Variants in SERPINB10 observed in about 807,000 individuals in gnomAD.
SERPINB10 encodes the protein serpin B10.
Under a neutral mutation model 39.1 loss-of-function variants are expected in SERPINB10, and 35 were observed. The observed-to-expected ratio is 0.90, with a 90% CI of 0.68 to 1.19. The LOEUF (loss-of-function observed/expected upper bound fraction) is 1.19. SERPINB10 is among the 50% of genes most tolerant of loss of function. The probability of loss-of-function intolerance (pLI) is 0.00; values close to 1 mark genes in which losing one functional copy is unlikely to be tolerated. For missense variants in SERPINB10, 546 were observed against 460.5 expected (o/e 1.19, Z -1.70); for synonymous variants, 190 against 158.1 (o/e 1.20, Z -1.52).
chr18:63,934,462 G>A (rs1568251778), intron 7 of SERPINB10, among the ~76,000 whole-genome samples: 1 of 152,020 alleles, frequency 6.6e-6, no homozygotes, highest in Non-Finnish European at 1.5e-5. Context: ...CTCCCATGTC[G>A]ATAAACAAGA....
chr18:63,923,399 G>T (rs1003185093), intron 5 of SERPINB10, among the ~76,000 whole-genome samples: 1 of 151,854 alleles, frequency 6.6e-6, no homozygotes, highest in Admixed American at 6.6e-5. Flanking sequence ...GCATGACTAG[G>T]TTCTACCTGA....
chr18:63,925,503 T>G (rs2050175053), intron 5 of SERPINB10, among the ~76,000 whole-genome samples: 1 of 151,994 alleles, frequency 6.6e-6, no homozygotes, highest in South Asian at 2.1e-4. Flanking sequence ...TGGGAATATG[T>G]CAGAAGGACA....
rs564291050 is a variant in SERPINB10, at chr18:63,935,585, GA to G, written c.*351del. 146 of 181,914 alleles carry G rather than the reference GA, an allele frequency of 8.0e-4. No homozygotes were observed. The highest frequency in any genetic ancestry group is 3.5e-3 in the East Asian group (25 of 7,072). The allele number at this position is 181,914 out of a possible 1,614,324, so 11.3% of individuals were successfully genotyped here. ...ATATATTTCATATACATCATTAAATGAAAAAAAATCTTTATAAAGGTGATAT... is the reference window on the plus strand; with the variant it reads ...ATATATTTCATATACATCATTAAATGAAAAAAATCTTTATAAAGGTGATAT... On this transcript the variant is annotated 3_prime_UTR_variant, in exon 8 of 8. Transcript: ENST00000238508.
At chr18:63,926,445 T>C (rs2050182287) in intron 5 of SERPINB10, among the ~76,000 whole-genome samples, 1 of 152,024 alleles carries the variant, frequency 6.6e-6, no homozygotes, top group Non-Finnish European at 1.5e-5. Flanking sequence ...TATTTCTAAA[T>C]AAGGTCACAT....
rs574316010 is a variant in SERPINB10 at position 63,934,750 on chromosome 18, A to G, written c.790-88A>G. On this transcript the variant is annotated intron_variant, in intron 7 of 7. Transcript: ENST00000238508. ...TAACGGGAGTGATCATAATTCACCTATGTAATTCCTAGGGTGCTCTCTCTA... is the reference window on the plus strand; with the variant it reads ...TAACGGGAGTGATCATAATTCACCTGTGTAATTCCTAGGGTGCTCTCTCTA... 5.8e-5 allele frequency: 77 copies of G among 1,333,272 alleles called. No individual in the cohort carries two copies. In the African/African-American group the frequency reaches 7.3e-4, roughly 13 times the overall value. 82.6% of individuals were successfully genotyped at this position (1,333,272 alleles called of 1,614,324 possible).
intron 5 of SERPINB10, among the ~76,000 whole-genome samples, chr18:63,921,608 A>G (rs972250345): frequency 6.6e-6 from 1 of 151,892 alleles, no homozygotes; most frequent in African/African-American, 2.4e-5. Flanking sequence ...CTTCAAATCT[A>G]ACCTCCATTT....
intron 2 of SERPINB10, among the ~76,000 whole-genome samples, chr18:63,917,232 GA>G (rs1485480764): frequency 6.6e-6 from 1 of 151,908 alleles, no homozygotes; most frequent in African/African-American, 2.4e-5. Context: ...CAAAACATAG[GA>G]AAATAAAGAG....
chr18:63,911,563 C>T (rs1024716643), intron 1 of SERPINB10, among the ~76,000 whole-genome samples: 1 of 151,890 alleles, frequency 6.6e-6, no homozygotes, highest in South Asian at 2.1e-4. Context: ...TTTTTGTTTA[C>T]TTTGGTAAAG....
chr18:63,914,181 A>G (rs1459895428), intron 1 of SERPINB10, among the ~76,000 whole-genome samples: 2 of 152,034 alleles, frequency 1.3e-5, no homozygotes, highest in African/African-American at 4.8e-5. Context: ...TGGGTCTCTT[A>G]AAGACAGCAC....
intron 1 of SERPINB10, among the ~76,000 whole-genome samples, chr18:63,913,936 T>G (rs932700353): frequency 6.1e-5 from 9 of 146,644 alleles, no homozygotes; most frequent in Non-Finnish European, 1.3e-4. Context: ...ATCTGAGTGC[T>G]CCAATGTTGG....
At chr18:63,920,898 A>G (rs2050142181) in intron 5 of SERPINB10, among the ~76,000 whole-genome samples, 1 of 151,944 alleles carries the variant, frequency 6.6e-6, no homozygotes, top group South Asian at 2.1e-4. Flanking sequence ...GAAGTAGTAG[A>G]AGGATTCTCC....
intron 1 of SERPINB10, among the ~76,000 whole-genome samples, chr18:63,912,249 C>A (rs2050070383): frequency 6.6e-6 from 1 of 151,932 alleles, no homozygotes; most frequent in Non-Finnish European, 1.5e-5. Context: ...TTGACTTCTT[C>A]TTTTCCTATT....
chr18:63,930,044 G>C lies in SERPINB10; in HGVS notation c.491-1G>C, dbSNP rs775446990. 1.2e-6 allele frequency: 2 copies of C among 1,612,978 alleles called. No individual in the cohort carries two copies. The highest frequency in any genetic ancestry group is 3.3e-5 in the Admixed American group (2 of 59,822). On this transcript the variant is annotated splice_acceptor_variant, in intron 5 of 7. Coordinates refer to ENST00000238508, the MANE Select transcript of SERPINB10 (RefSeq NM_005024.3). LOFTEE classifies it high-confidence loss of function. ...TTGCAACCTGCCTTTTGTTCTTACAGGTAAAATCCAGAATCTCCTGCCTGA... is the reference window on the plus strand; with the variant it reads ...TTGCAACCTGCCTTTTGTTCTTACACGTAAAATCCAGAATCTCCTGCCTGA...
At chr18:63,910,728 T>G (rs1237922049) in intron 1 of SERPINB10, among the ~76,000 whole-genome samples, 1 of 151,862 alleles carries the variant, frequency 6.6e-6, no homozygotes, top group Non-Finnish European at 1.5e-5. Flanking sequence ...ATTTCATGTC[T>G]TTGCTATTGT....
At chr18:63,915,474 T>A in intron 1 of SERPINB10, 28 bp from the exon 2 acceptor site, 1 of 1,491,602 alleles carries the variant, frequency 6.7e-7, no homozygotes, top group Non-Finnish European at 9.2e-7. Context: ...ATTAATATGC[T>A]CTCTAATTTT....
intron 6 of SERPINB10, among the ~76,000 whole-genome samples, chr18:63,930,529 T>C (rs186705451): frequency 3.9e-5 from 6 of 152,134 alleles, no homozygotes; most frequent in Non-Finnish European, 5.9e-5. Flanking sequence ...GAGTCCTCAC[T>C]GCAAGTTCTG....
Position 63,919,921 on chromosome 18 carries a change from G to T in SERPINB10, c.490+16G>T. 2 of 1,535,902 alleles carry T rather than the reference G, an allele frequency of 1.3e-6. No individual in the cohort carries two copies. The highest frequency in any genetic ancestry group is 1.2e-5 in the South Asian group (1 of 86,390). Reference sequence around the variant, plus strand: ...CAGACCGAGGGTAAGCTTTCACCAAGGGGTTTGGCAGCGTGCTTTTCCCAA... The same window carrying T: ...CAGACCGAGGGTAAGCTTTCACCAATGGGTTTGGCAGCGTGCTTTTCCCAA... On this transcript the variant is annotated intron_variant, in intron 5 of 7. Transcript: ENST00000238508.
chr18:63,933,017 A>T (rs2050234045), intron 6 of SERPINB10, 31 bp from the exon 7 acceptor site: 1 of 1,595,798 alleles, frequency 6.3e-7, no homozygotes, highest in African/African-American at 1.4e-5. Flanking sequence ...TGACCTTGTT[A>T]CCTGTTTTTT....
intron 6 of SERPINB10, among the ~76,000 whole-genome samples, chr18:63,930,893 G>C (rs903356909): frequency 2.6e-5 from 4 of 152,146 alleles, no homozygotes; most frequent in Non-Finnish European, 5.9e-5. Flanking sequence ...GTTGACCAAG[G>C]TTTGTTACAG....
Sources: allele counts gnomAD v4.1 joint callset (sites outside exome capture counted in the v4.1 genomes callset), GRCh38; gene constraint gnomAD v4.1.1; transcripts MANE v1.5; gene names NCBI Gene and HGNC (gene_info 2026-07-23, HGNC 2026-07-21).